The following HK1 variants were observed in gnomAD, a reference collection of about 807,000 sequenced individuals.
The protein encoded by HK1 is hexokinase-1.
A neutral mutation model predicts 91.6 loss-of-function variants in HK1; 28 were observed. The observed-to-expected ratio is 0.31, with a 90% CI of 0.23 to 0.42. HK1 has a LOEUF of 0.42. Among genes scored for constraint, HK1 ranks in the 10% least tolerant of loss-of-function variants. The probability of loss-of-function intolerance (pLI) is 1.00; values close to 1 mark genes in which losing one functional copy is unlikely to be tolerated. For synonymous variants in HK1, 430 were observed against 468.1 expected (o/e 0.92, Z 1.05); for missense variants, 770 against 1,219.8 (o/e 0.63, Z 5.49).
chr10:69,348,643 T>G (rs1848688793), intron 2 of HK1, among the ~76,000 whole-genome samples: 1 of 152,158 alleles, frequency 6.6e-6, no homozygotes, highest in African/African-American at 2.4e-5. Context: ...AAACCCCGTC[T>G]CTACTAAAAA....
At chr10:69,344,969 G>A (rs1379852355) in intron 2 of HK1, among the ~76,000 whole-genome samples, 4 of 152,036 alleles carry the variant, frequency 2.6e-5, no homozygotes, top group South Asian at 2.1e-4. Context: ...ACACCCCTGC[G>A]ATTTCTTCCC....
rs1351313925 is a variant in HK1, at chr10:69,377,068, G to A, written c.1010G>A (p.Ser337Asn). The A allele has an allele frequency of 8.1e-6, 13 of 1,614,076 alleles. No homozygotes were observed. Among genetic ancestry groups the A allele is most frequent in the Admixed American group, 5.0e-5 (3 of 59,998 alleles). Residue 337 changes from serine to asparagine, a missense_variant, in exon 8 of 18, where the codon AGT (serine) becomes AAT (asparagine). Around this residue, in one of 7 missense-constraint regions of HK1, gnomAD observed 449 missense variants for 665.1 expected, o/e 0.68. Transcript: ENST00000359426. ...ELLTRGKFNT[S>N]DVSAIEKNKE... Reference sequence around the variant, plus strand: ...CTCACCCGAGGGAAGTTTAACACCAGTGATGTGTCAGCCATCGAAAAGTAG... The same window carrying A: ...CTCACCCGAGGGAAGTTTAACACCAATGATGTGTCAGCCATCGAAAAGTAG...
At chr10:69,362,325 A>C (rs981821472) in intron 3 of HK1, among the ~76,000 whole-genome samples, 1 of 151,716 alleles carries the variant, frequency 6.6e-6, no homozygotes, top group Non-Finnish European at 1.5e-5. Context: ...CGATCCTCCC[A>C]CTTTAGCCTC....
Position 69,392,378 on chromosome 10 carries a change from T to G in HK1, c.2219+70T>G, listed in dbSNP as rs558593916. The G allele has an allele frequency of 5.3e-6, 8 of 1,521,872 alleles. No individual in the cohort carries two copies. The South Asian group carries it at 7.9e-5, about 15-fold the overall frequency. The allele number at this position is 1,521,872 out of a possible 1,614,324, so 94.3% of individuals were successfully genotyped here. On this transcript the variant is annotated intron_variant, in intron 15 of 17. Transcript: ENST00000359426. Reference sequence around the variant, plus strand: ...CAGCACTTGGCTGCATTCTGCCACTTGCAGTGGAAGAAGTTTCTAGGAGGA... The same window carrying G: ...CAGCACTTGGCTGCATTCTGCCACTGGCAGTGGAAGAAGTTTCTAGGAGGA...
chr10:69,358,779 C>G (rs1217841132), intron 2 of HK1, among the ~76,000 whole-genome samples: 1 of 150,708 alleles, frequency 6.6e-6, no homozygotes, highest in Admixed American at 6.7e-5. Context: ...AGGAGAATCA[C>G]TTGAACCTGG....
chr10:69,325,044 ATTTTT>A (rs1046990181), intron 1 of HK1, among the ~76,000 whole-genome samples: 4 of 93,904 alleles, frequency 4.3e-5, no homozygotes, highest in African/African-American at 1.3e-4. Context: ...AAAAATGTGT[ATTTTT>A]TTTTTTTTTT....
intron 3 of HK1, among the ~76,000 whole-genome samples, chr10:69,290,849 A>G (rs116162701): frequency 3.9e-5 from 6 of 152,220 alleles, no homozygotes; most frequent in Non-Finnish European, 5.9e-5. Context: ...CTAATGCCCA[A>G]CTGGAAGCTC....
upstream of HK1, chr10:69,315,635 A>C (rs1846598937): frequency 9.3e-6 from 4 of 428,560 alleles, no homozygotes; most frequent in South Asian, 8.7e-5. Flanking sequence ...TAGTGAAGTC[A>C]GCACTGGAAC....
chr10:69,393,714 A>G (rs1305245674), intron 15 of HK1, among the ~76,000 whole-genome samples: 1 of 152,224 alleles, frequency 6.6e-6, no homozygotes, highest in African/African-American at 2.4e-5. Flanking sequence ...ATTCAAGTCT[A>G]GCTGATGCTG....
At chr10:69,352,947 C>T (rs1196107083) in intron 2 of HK1, among the ~76,000 whole-genome samples, 1 of 152,126 alleles carries the variant, frequency 6.6e-6, no homozygotes, top group Non-Finnish European at 1.5e-5. Flanking sequence ...AAGAAATATA[C>T]ATGTTGGTCT....
upstream of HK1, among the ~76,000 whole-genome samples, chr10:69,316,797 C>A (rs7084213): frequency 6.6e-6 from 1 of 152,200 alleles, no homozygotes; most frequent in Non-Finnish European, 1.5e-5. Flanking sequence ...CCAGGCCCTG[C>A]GCTTGTGTAG....
intron 2 of HK1, among the ~76,000 whole-genome samples, chr10:69,358,798 G>A (rs1308823970): frequency 6.6e-6 from 1 of 151,410 alleles, no homozygotes; most frequent in Non-Finnish European, 1.5e-5. Flanking sequence ...GGGAGGCCAA[G>A]GTTGCAGTGA....
intron 16 of HK1, among the ~76,000 whole-genome samples, chr10:69,396,811 A>T (rs1840164241): frequency 6.6e-6 from 1 of 151,986 alleles, no homozygotes; most frequent in Non-Finnish European, 1.5e-5. Flanking sequence ...CCTCCTGAGT[A>T]GCTGGGATTA....
At chr10:69,361,738 C>T (rs541770484) in intron 3 of HK1, among the ~76,000 whole-genome samples, 1 of 152,342 alleles carries the variant, frequency 6.6e-6, no homozygotes, top group South Asian at 2.1e-4. Context: ...TCTGTTTCTT[C>T]CTCTCCTCCT....
Position 69,401,228 on chromosome 10 carries a change from G to C in HK1, c.*93G>C. 1 of 1,469,954 alleles carries C rather than the reference G, an allele frequency of 6.8e-7. No individual in the cohort carries two copies. The allele number at this position is 1,469,954 out of a possible 1,614,324, so 91.1% of individuals were successfully genotyped here. A position where few individuals can be genotyped will look rare whatever the true frequency, so the allele number is the denominator to read the frequency against. On this transcript the variant is annotated 3_prime_UTR_variant, in exon 18 of 18. Coordinates refer to ENST00000359426, the MANE Select transcript of HK1 (RefSeq NM_000188.3). ...CCAGCGAGTTGCGCTGGGAGACGCTGGCGCCAGGGCCTGCCGGCGCGGGGA... is the reference window on the plus strand; with the variant it reads ...CCAGCGAGTTGCGCTGGGAGACGCTCGCGCCAGGGCCTGCCGGCGCGGGGA...
intron 3 of HK1, among the ~76,000 whole-genome samples, chr10:69,363,067 C>T (rs1163605454): frequency 2.6e-5 from 4 of 152,332 alleles, no homozygotes; most frequent in Non-Finnish European, 2.9e-5. Context: ...GCAAGTAAAG[C>T]CTTCAGGCAG....
intron 1 of HK1, chr10:69,338,787 G>A (rs1407672881): frequency 4.2e-6 from 4 of 955,176 alleles, no homozygotes; most frequent in South Asian, 1.6e-5. Flanking sequence ...GTGTGTGTGT[G>A]TAGAGAGAGA....
chr10:69,301,573 CAAAAA>C (rs3086649), intron 5 of HK1, among the ~76,000 whole-genome samples: 9 of 80,764 alleles, frequency 1.1e-4, no homozygotes, highest in Admixed American at 8.6e-4. Context: ...GACTCTGTCT[CAAAAA>C]AAAAAAAAAA....
At chr10:69,324,082 G>A (rs1369027366) in intron 1 of HK1, among the ~76,000 whole-genome samples, 1 of 152,126 alleles carries the variant, frequency 6.6e-6, no homozygotes, top group African/African-American at 2.4e-5. Flanking sequence ...ATATTGCCCA[G>A]GCTGGTCTTG....
Sources: allele counts gnomAD v4.1 joint callset (sites outside exome capture counted in the v4.1 genomes callset), GRCh38; gene constraint gnomAD v4.1.1; regional missense constraint gnomAD v4.1.1; transcripts MANE v1.5; gene names NCBI Gene and HGNC (gene_info 2026-07-23, HGNC 2026-07-21).